The following MDGA2 variants were observed in gnomAD, a reference collection of about 807,000 sequenced individuals.
MDGA2 encodes MAM domain-containing glycosylphosphatidylinositol anchor protein 2.
A neutral mutation model predicts 117.8 loss-of-function variants in MDGA2; 40 were observed. The ratio of observed to expected loss-of-function variants is 0.34; its 90% confidence interval spans 0.26 to 0.44. MDGA2 has a LOEUF of 0.44. Ranked by LOEUF, MDGA2 falls within the 20% of genes least tolerant of loss-of-function variation. MDGA2 has a pLI of 1.00. For missense variants in MDGA2, 1,123 were observed against 1,250.6 expected (o/e 0.90, Z 1.54); for synonymous variants, 452 against 439.0 (o/e 1.03, Z -0.37).
intron 2 of MDGA2, among the ~76,000 whole-genome samples, chr14:47,267,041 T>C (rs1887987968): frequency 6.6e-6 from 1 of 152,118 alleles, no homozygotes; most frequent in East Asian, 1.9e-4. Context: ...TCAATAAACA[T>C]TTGTTGAATG....
chr14:46,874,963 G>C (rs781185203), intron 12 of MDGA2, among the ~76,000 whole-genome samples: 18 of 151,336 alleles, frequency 1.2e-4, no homozygotes, highest in Middle Eastern at 3.4e-3. Context: ...GAAAAAAATA[G>C]GTATAAATAA....
intron 8 of MDGA2, among the ~76,000 whole-genome samples, chr14:46,997,747 C>T (rs1887348804): frequency 6.6e-6 from 1 of 152,076 alleles, no homozygotes; most frequent in Admixed American, 6.6e-5. Context: ...AGAAATGTGA[C>T]TACATTTTGT....
intron 3 of MDGA2, among the ~76,000 whole-genome samples, chr14:47,164,174 A>G (rs1191561318): frequency 1.3e-5 from 2 of 152,216 alleles, no homozygotes; most frequent in Non-Finnish European, 2.9e-5. Context: ...ATTAATCAAT[A>G]GATATAGCTA....
At chr14:47,344,991 T>G (rs1294468627) in intron 1 of MDGA2, among the ~76,000 whole-genome samples, 3 of 152,062 alleles carry the variant, frequency 2.0e-5, no homozygotes, top group Non-Finnish European at 1.5e-5. Flanking sequence ...TAGAAATGTC[T>G]GGGCATATTT....
chr14:47,582,805 A>G (rs1896253581), intron 1 of MDGA2, among the ~76,000 whole-genome samples: 1 of 151,900 alleles, frequency 6.6e-6, no homozygotes, highest in Non-Finnish European at 1.5e-5. Context: ...TACTTTATTC[A>G]TCAGTACTCT....
intron 1 of MDGA2, among the ~76,000 whole-genome samples, chr14:47,573,511 C>T (rs1228905411): frequency 9.2e-5 from 14 of 152,118 alleles, no homozygotes; most frequent in Admixed American, 9.2e-4. Flanking sequence ...GGTCTTTAAC[C>T]ATTAGAGTCT....
At chr14:46,899,383 A>G (rs1320360453) in intron 10 of MDGA2, among the ~76,000 whole-genome samples, 1 of 152,090 alleles carries the variant, frequency 6.6e-6, no homozygotes, top group Non-Finnish European at 1.5e-5. Flanking sequence ...GCCAAAGGCT[A>G]TACTCTGAGA....
intron 1 of MDGA2, among the ~76,000 whole-genome samples, chr14:47,427,346 C>T (rs1892711670): frequency 6.6e-6 from 1 of 152,060 alleles, no homozygotes; most frequent in Non-Finnish European, 1.5e-5. Flanking sequence ...CAAGAGAGAA[C>T]TGAGAGGTGT....
At chr14:47,005,651 C>A (rs1293554632) in intron 8 of MDGA2, among the ~76,000 whole-genome samples, 2 of 151,392 alleles carry the variant, frequency 1.3e-5, no homozygotes, top group Non-Finnish European at 1.5e-5. Context: ...GAAGTACTCT[C>A]TACACTTTGG....
At chr14:46,991,336 C>A (rs904470342) in intron 8 of MDGA2, among the ~76,000 whole-genome samples, 4 of 152,052 alleles carry the variant, frequency 2.6e-5, no homozygotes, top group Admixed American at 2.0e-4. Context: ...TTATGCTCAT[C>A]TTGGGACTTA....
At chr14:47,443,342 A>G (rs188469342) in intron 1 of MDGA2, among the ~76,000 whole-genome samples, 6 of 152,254 alleles carry the variant, frequency 3.9e-5, no homozygotes, top group African/African-American at 7.2e-5. Flanking sequence ...ATTGGTGGCA[A>G]TTGTGTTCGG....
intron 4 of MDGA2, among the ~76,000 whole-genome samples, chr14:47,137,166 A>G (rs1174947599): frequency 2.0e-5 from 3 of 152,212 alleles, no homozygotes; most frequent in Admixed American, 6.5e-5. Flanking sequence ...TTGATATTAC[A>G]AAAGAGAATT....
intron 10 of MDGA2, among the ~76,000 whole-genome samples, chr14:46,891,620 G>A (rs1882887035): frequency 6.6e-6 from 1 of 151,276 alleles, no homozygotes; most frequent in African/African-American, 2.4e-5. Flanking sequence ...TTCATGATTT[G>A]GTAGAGTTTA....
chr14:47,552,646 T>C (rs1285108554), intron 1 of MDGA2, among the ~76,000 whole-genome samples: 2 of 152,160 alleles, frequency 1.3e-5, no homozygotes, highest in Non-Finnish European at 2.9e-5. Flanking sequence ...CTGGTCTTTT[T>C]CTTTCTCTCT....
chr14:47,339,972 T>C (rs963907642), intron 1 of MDGA2, among the ~76,000 whole-genome samples: 2 of 152,186 alleles, frequency 1.3e-5, no homozygotes, highest in Admixed American at 6.6e-5. Flanking sequence ...AATTCAGACT[T>C]ACATAGTCCT....
chr14:47,105,100 C>T (rs139203671), intron 5 of MDGA2, among the ~76,000 whole-genome samples: 17 of 64,274 alleles, frequency 2.6e-4, no homozygotes, highest in African/African-American at 8.0e-4. Context: ...TGTCAGACCA[C>T]GCAGGGACGC....
chr14:47,373,720 G>A (rs1891415798), intron 1 of MDGA2, among the ~76,000 whole-genome samples: 1 of 151,912 alleles, frequency 6.6e-6, no homozygotes. Flanking sequence ...GGGACAGGAG[G>A]TGAAAATGTT....
intron 2 of MDGA2, among the ~76,000 whole-genome samples, chr14:47,231,425 T>A (rs1886685394): frequency 6.6e-6 from 1 of 152,084 alleles, no homozygotes; most frequent in Non-Finnish European, 1.5e-5. Flanking sequence ...GTCCAGAGCC[T>A]GTGCTCAATC....
intron 1 of MDGA2, among the ~76,000 whole-genome samples, chr14:47,455,070 TA>T (rs1463401688): frequency 2.0e-5 from 3 of 152,298 alleles, no homozygotes; most frequent in East Asian, 1.9e-4. Context: ...GCAATACCTT[TA>T]AAAAATATGA....
Sources: gnomAD v4.1 joint callset for allele counts (sites outside exome capture counted in the v4.1 genomes callset) on GRCh38, gnomAD v4.1.1 for gene constraint, MANE v1.5 for transcripts, NCBI Gene and HGNC (gene_info 2026-07-23, HGNC 2026-07-21) for gene names.